TMEM233: variants seen among roughly 807,000 people sequenced by gnomAD.
TMEM233 encodes transmembrane protein 233, also known as dispanin subfamily B member 2.
In TMEM233, 6 loss-of-function variants were observed where a neutral mutation model predicts 11.2. That is an observed-to-expected ratio of 0.54 (90% CI 0.29 to 1.06). The LOEUF is 1.06. Ranked by LOEUF, TMEM233 falls within the 50% of genes least tolerant of loss-of-function variation. The pLI, the probability that TMEM233 is intolerant of heterozygous loss-of-function variation, is 0.08. For missense variants in TMEM233, 127 were observed against 144.7 expected (o/e 0.88, Z 0.63); for synonymous variants, 59 against 55.8 (o/e 1.06, Z -0.26).
At chr12:119,639,461 G>GAAA (rs68174521) in intron 2 of TMEM233, among the ~76,000 whole-genome samples, 28 of 146,862 alleles carry the variant, frequency 1.9e-4, no homozygotes, top group African/African-American at 6.8e-4. Flanking sequence ...ACTAAAAATA[G>GAAA]AAAAAAAAAA....
chr12:119,595,120 G>GCGAAC lies in TMEM233; in HGVS notation c.186+1088_186+1092dup, dbSNP rs1349183024. ...CTTCAACCCTGGTAGGAACACCCGA[G>GCGAAC]CGAACCCCACCAGGAGGGCGACGAG... On this transcript the variant is annotated intron_variant, in intron 1 of 2. Transcript: ENST00000426426. The surrounding 1 kb of genome is among the most constrained non-coding windows in gnomAD (Gnocchi z 4.3). Among the ~76,000 whole-genome samples the GCGAAC allele has an allele frequency of 6.6e-6, 1 of 152,204 alleles. No homozygotes were observed. The highest frequency in any genetic ancestry group is 1.5e-5 in the Non-Finnish European group (1 of 68,042).
rs1425636332 is a variant in TMEM233 at position 119,594,738 on chromosome 12, C to T, written c.186+704C>T. On this transcript the variant is annotated intron_variant, in intron 1 of 2. Transcript: ENST00000426426. The surrounding 1 kb of genome is among the most constrained non-coding windows in gnomAD (Gnocchi z 5.6). ...CCTCCGGCGCCCCCTTTTTAACGCG[C>T]CCGAGGCTGGCTCACACCCACTACC... Among the ~76,000 whole-genome samples, 2 of 152,178 alleles carry T rather than the reference C, an allele frequency of 1.3e-5. No homozygotes were observed. The highest frequency in any genetic ancestry group is 2.9e-5 in the Non-Finnish European group (2 of 68,026).
At position 119,637,483 on chromosome 12, in the gene TMEM233, A is replaced by C. The variant is rs759972033; in HGVS notation, c.324-3216A>C. Among the ~76,000 whole-genome samples, 29 of 152,244 alleles carry C rather than the reference A, an allele frequency of 1.9e-4. 1 individual carries two copies. Among genetic ancestry groups the C allele is most frequent in the Non-Finnish European group, 3.5e-4 (24 of 68,042 alleles). On this transcript the variant is annotated intron_variant, in intron 2 of 2. Coordinates refer to ENST00000426426, the MANE Select transcript of TMEM233 (RefSeq NM_001136534.3). ...ATGAATCCTTTCCTGGTCTCAAAATATCCTTCAATTGCATCAGAATTGGAA... is the reference window on the plus strand; with the variant it reads ...ATGAATCCTTTCCTGGTCTCAAAATCTCCTTCAATTGCATCAGAATTGGAA...
chr12:119,596,476 C>A (rs1281872468), intron 1 of TMEM233, among the ~76,000 whole-genome samples: 3 of 140,324 alleles, frequency 2.1e-5, no homozygotes, highest in Non-Finnish European at 4.6e-5. Context: ...TTACTATGGA[C>A]AAGTTTGTAT....
intron 1 of TMEM233, among the ~76,000 whole-genome samples, chr12:119,620,792 A>T (rs1277598776): frequency 1.3e-5 from 2 of 152,240 alleles, no homozygotes; most frequent in African/African-American, 2.4e-5. Context: ...AGACTTGGAC[A>T]CACTAGCTTG....
At chr12:119,614,197 C>A (rs1450953967) in intron 1 of TMEM233, among the ~76,000 whole-genome samples, 1 of 152,072 alleles carries the variant, frequency 6.6e-6, no homozygotes, top group Non-Finnish European at 1.5e-5. Flanking sequence ...CACCTGAGGT[C>A]AGGAGTTCAA....
intron 2 of TMEM233, among the ~76,000 whole-genome samples, chr12:119,637,697 G>A (rs141307441): frequency 1.3e-5 from 2 of 152,264 alleles, no homozygotes; most frequent in South Asian, 4.1e-4. Flanking sequence ...GTCTTTCTCT[G>A]TTGGTTCAGA....
the TMEM233 span, among the ~76,000 whole-genome samples, chr12:119,650,922 C>T: frequency 5.9e-5 from 9 of 152,222 alleles, no homozygotes; most frequent in Non-Finnish European, 1.2e-4. Context: ...GGATTACAGG[C>T]ACAAGCCACT....
In TMEM233 at chr12:119,629,850, T is replaced by C; in HGVS notation, c.301T>C (p.Cys101Arg). Residue 101 changes from cysteine to arginine, a missense_variant, in exon 2 of 3, where the codon TGT becomes CGT. By Grantham distance (180) the Cys-to-Arg change is radical. Transcript: ENST00000426426. ...TGGCCTTCTCATCATCGGCATTTCT[T>C]GTGCAGTTCACTTCACAAGGAAGTA... ...IIGLLIIGIS[C>R]AVHFTRNA 1.3e-6 allele frequency: 2 copies of C among 1,551,484 alleles called. No homozygotes were observed. The highest frequency in any genetic ancestry group is 1.7e-6 in the Non-Finnish European group (2 of 1,146,912).
At chr12:119,625,242 C>A (rs926692399) in intron 1 of TMEM233, among the ~76,000 whole-genome samples, 7 of 152,148 alleles carry the variant, frequency 4.6e-5, no homozygotes, top group Non-Finnish European at 1.0e-4. Flanking sequence ...GTCTAATCCC[C>A]CTTAATAGTC....
At chr12:119,643,508 C>T (rs538317175), downstream of TMEM233, among the ~76,000 whole-genome samples, 10 of 152,338 alleles carry the variant, frequency 6.6e-5, no homozygotes, top group East Asian at 1.7e-3. Context: ...GTGGCTCACG[C>T]CTGTAATCCC....
chr12:119,651,805 GAC>G, the TMEM233 span, among the ~76,000 whole-genome samples: 1 of 122,938 alleles, frequency 8.1e-6, no homozygotes, highest in Non-Finnish European at 1.7e-5. Flanking sequence ...CCAGCCTGGC[GAC>G]AGAGTGAGAC....
chr12:119,612,531 G>A (rs367797550), intron 1 of TMEM233, among the ~76,000 whole-genome samples: 10 of 151,968 alleles, frequency 6.6e-5, no homozygotes, highest in African/African-American at 2.2e-4. Flanking sequence ...GGCGGATCAC[G>A]AGGTCAGGAG....
intron 1 of TMEM233, among the ~76,000 whole-genome samples, chr12:119,601,933 T>C (rs919378451): frequency 6.6e-6 from 1 of 151,996 alleles, no homozygotes; most frequent in Admixed American, 6.5e-5. Flanking sequence ...GACAGAGAAA[T>C]GCTCCTGAAA....
chr12:119,645,560 T>G (rs7298822), downstream of TMEM233, among the ~76,000 whole-genome samples: 2,853 of 152,250 alleles, frequency 0.019, 72 homozygotes, highest in African/African-American at 0.064. Context: ...GGAATTCCCT[T>G]TCCAATACAT....
Position 119,642,213 on chromosome 12 carries a change from G to C in TMEM233, c.*1508G>C, listed in dbSNP as rs1955091701. On this transcript the variant is annotated 3_prime_UTR_variant, in exon 3 of 3. Transcript: ENST00000426426. ...CTCACGCCTGTAATCCCAGCAATTTGAGAGGCTGAGATCACTTAAGGTCAG... is the reference window on the plus strand; with the variant it reads ...CTCACGCCTGTAATCCCAGCAATTTCAGAGGCTGAGATCACTTAAGGTCAG... The C allele has an allele frequency of 6.6e-6, 1 of 152,188 alleles. No homozygotes were observed. The highest frequency in any genetic ancestry group is 6.5e-5 in the Admixed American group (1 of 15,272). The allele number at this position is 152,188 out of a possible 1,614,324, so 9.4% of individuals were successfully genotyped here.
intron 1 of TMEM233, among the ~76,000 whole-genome samples, chr12:119,619,369 G>A (rs1593294739): frequency 6.6e-6 from 1 of 152,196 alleles, no homozygotes; most frequent in African/African-American, 2.4e-5. Context: ...GGCTAGGCAT[G>A]GTGGCTCATG....
chr12:119,600,904 T>C (rs931738895), intron 1 of TMEM233, among the ~76,000 whole-genome samples: 9 of 139,156 alleles, frequency 6.5e-5, no homozygotes, highest in Non-Finnish European at 3.2e-5. Context: ...TTTAATGCCA[T>C]TGAACTGTAT....
intron 1 of TMEM233, among the ~76,000 whole-genome samples, chr12:119,626,344 C>T (rs1046520128): frequency 2.0e-5 from 3 of 151,794 alleles, no homozygotes; most frequent in African/African-American, 7.3e-5. Context: ...GTGGCAGGCA[C>T]CTTTAGTCTC....
Sources: allele counts gnomAD v4.1 joint callset (sites outside exome capture counted in the v4.1 genomes callset), GRCh38; gene constraint gnomAD v4.1.1; non-coding constraint Gnocchi (gnomAD v3.1); transcripts MANE v1.5; gene names NCBI Gene and HGNC (gene_info 2026-07-23, HGNC 2026-07-21).